ANK1: variants seen among roughly 807,000 people sequenced by gnomAD.
The protein encoded by ANK1 is ankyrin 1, also known as ankyrin-1.
A neutral mutation model predicts 210.4 loss-of-function variants in ANK1; 51 were observed. The observed-to-expected ratio is 0.24, with a 90% confidence interval of 0.19 to 0.31. The LOEUF is 0.31. Ranked by LOEUF, ANK1 falls within the 10% of genes least tolerant of loss-of-function variation. ANK1 has a pLI of 1.00. For missense variants in ANK1, 2,051 were observed against 2,504.4 expected (o/e 0.82, Z 3.86); for synonymous variants, 967 against 1,025.9 (o/e 0.94, Z 1.10).
chr8:41,663,792 G>A (rs1445169434), intron 39 of ANK1, 50 bp from the exon 40 acceptor site: 1 of 1,455,182 alleles, frequency 6.9e-7, no homozygotes, highest in African/African-American at 1.4e-5. Context: ...TGGGAGTCTG[G>A]GAGGAAGGGT....
chr8:41,715,855 C>T lies in ANK1; in HGVS notation c.1405-6G>A, dbSNP rs1343203680. The T allele has an allele frequency of 1.2e-6, 2 of 1,614,184 alleles. No homozygotes were observed. The highest frequency in any genetic ancestry group is 8.5e-7 in the Non-Finnish European group (1 of 1,180,042). ...TGAAGTGGGGTCTGGTCATCCTGGA[C>T]CCCGAAGGGAAAACAAAGAAGAAGA... On this transcript the variant is annotated splice_polypyrimidine_tract_variant and splice_region_variant and intron_variant, in intron 13 of 42. Coordinates refer to ENST00000289734, the MANE Select transcript of ANK1 (RefSeq NM_000037.4).
At chr8:41,661,191 C>G (rs569652850) in intron 42 of ANK1, 2 of 567,906 alleles carry the variant, frequency 3.5e-6, no homozygotes, top group Non-Finnish European at 6.1e-6. Context: ...GGCATTCTTA[C>G]AAAACCGTGC....
chr8:41,673,002 A>C, intron 37 of ANK1, 90 bp from the exon 38 acceptor site: 1 of 1,339,284 alleles, frequency 7.5e-7, no homozygotes. Flanking sequence ...ACGAACACAC[A>C]CATGCGGGTG....
At chr8:41,763,595 C>A (rs1287187862) in intron 1 of ANK1, among the ~76,000 whole-genome samples, 2 of 152,152 alleles carry the variant, frequency 1.3e-5, no homozygotes, top group Non-Finnish European at 2.9e-5. Context: ...GGTGTTCAGG[C>A]AGCCCTGACA....
intron 13 of ANK1, among the ~76,000 whole-genome samples, chr8:41,716,064 G>A (rs1036711857): frequency 2.0e-5 from 3 of 152,176 alleles, no homozygotes; most frequent in Non-Finnish European, 2.9e-5. Context: ...AGTTCTTCAA[G>A]TGAGCTGTTA....
intron 26 of ANK1, 85 bp from the exon 27 acceptor site, chr8:41,695,416 C>A: frequency 1.3e-6 from 2 of 1,592,132 alleles, no homozygotes; most frequent in African/African-American, 1.3e-5. Flanking sequence ...CGGCTCCCAC[C>A]CAGATGGATA....
chr8:41,848,490 C>T (rs1446577129), intron 1 of ANK1, among the ~76,000 whole-genome samples: 1 of 152,202 alleles, frequency 6.6e-6, no homozygotes, highest in African/African-American at 2.4e-5. Context: ...AGACCAGGCC[C>T]AGGACTGACG....
chr8:41,809,722 G>A (rs1340804197), intron 1 of ANK1, among the ~76,000 whole-genome samples: 2 of 152,126 alleles, frequency 1.3e-5, no homozygotes, highest in African/African-American at 2.4e-5. Flanking sequence ...AGCTATGATC[G>A]TACCACCACA....
intron 2 of ANK1, among the ~76,000 whole-genome samples, chr8:41,743,492 C>T (rs538060835): frequency 3.3e-5 from 5 of 152,224 alleles, no homozygotes; most frequent in Non-Finnish European, 5.9e-5. Flanking sequence ...TCCCATCTTC[C>T]CTTCTCATCC....
At chr8:41,686,992 C>T (rs1046353202) in intron 35 of ANK1, among the ~76,000 whole-genome samples, 1 of 152,180 alleles carries the variant, frequency 6.6e-6, no homozygotes, top group Non-Finnish European at 1.5e-5. Context: ...AACACATACA[C>T]GTGCATACAC....
chr8:41,820,595 T>G (rs1489875640), intron 1 of ANK1, among the ~76,000 whole-genome samples: 1 of 152,008 alleles, frequency 6.6e-6, no homozygotes, highest in East Asian at 1.9e-4. Context: ...GGTCCCAGGA[T>G]CCTGTAGCTG....
intron 3 of ANK1, among the ~76,000 whole-genome samples, chr8:41,730,480 C>G (rs1279863080): frequency 6.7e-6 from 1 of 150,330 alleles, no homozygotes; most frequent in Non-Finnish European, 1.5e-5. Context: ...AGGCATAAAG[C>G]CTGTTTATGT....
At chr8:41,752,769 G>A (rs865817124) in intron 2 of ANK1, among the ~76,000 whole-genome samples, 8 of 145,594 alleles carry the variant, frequency 5.5e-5, no homozygotes, top group African/African-American at 7.5e-5. Context: ...ATGCCCACAC[G>A]TCCCTCCTGC....
chr8:41,833,111 CA>C (rs1806982573), intron 1 of ANK1, among the ~76,000 whole-genome samples: 1 of 152,220 alleles, frequency 6.6e-6, no homozygotes, highest in African/African-American at 2.4e-5. Context: ...GGGAAAGGCA[CA>C]CCAGCCTGAG....
At chr8:41,881,289 C>T (rs1007439833) in intron 1 of ANK1, among the ~76,000 whole-genome samples, 1 of 152,182 alleles carries the variant, frequency 6.6e-6, no homozygotes, top group Admixed American at 6.5e-5. Flanking sequence ...GGTCACTCAG[C>T]CACTTCCGAG....
intron 1 of ANK1, chr8:41,828,633 T>A (rs1351783138): frequency 6.5e-6 from 1 of 154,200 alleles, no homozygotes; most frequent in Non-Finnish European, 1.5e-5. Flanking sequence ...ACTAAAAGGC[T>A]CCTGAGTGCC....
At chr8:41,726,057 G>A (rs1830628331) in intron 5 of ANK1, 111 bp from the exon 6 acceptor site, 1 of 1,249,906 alleles carries the variant, frequency 8.0e-7, no homozygotes, top group East Asian at 2.6e-5. Context: ...CCAGCCTGAG[G>A]GACCTACCTC....
At chr8:41,879,473 T>C (rs554920907) in intron 1 of ANK1, among the ~76,000 whole-genome samples, 2 of 152,364 alleles carry the variant, frequency 1.3e-5, no homozygotes, top group African/African-American at 2.4e-5. Context: ...ATTTTAGCTA[T>C]GTGTAACGAT....
At chr8:41,714,658 G>A (rs956430399) in intron 15 of ANK1, among the ~76,000 whole-genome samples, 3 of 152,144 alleles carry the variant, frequency 2.0e-5, no homozygotes, top group East Asian at 1.9e-4. Flanking sequence ...CCCAGAGTTC[G>A]AGACCAGCCT....
Sources: gnomAD v4.1 joint callset for allele counts (sites outside exome capture counted in the v4.1 genomes callset) on GRCh38, gnomAD v4.1.1 for gene constraint, MANE v1.5 for transcripts, NCBI Gene and HGNC (gene_info 2026-07-23, HGNC 2026-07-21) for gene names.